Variants in POM121 observed in about 807,000 individuals in gnomAD.
POM121 encodes the protein nuclear envelope pore membrane protein POM 121.
In POM121, 32 loss-of-function variants were observed where a neutral mutation model predicts 81.3. The ratio of observed to expected loss-of-function variants is 0.39; its 90% CI spans 0.30 to 0.53. POM121 has a LOEUF of 0.53. Among genes scored for constraint, POM121 ranks in the 20% least tolerant of loss-of-function variants. POM121 has a pLI of 0.66. For missense variants in POM121, 1,138 were observed against 1,614.6 expected, an observed-to-expected ratio of 0.70 and a Z score of 5.06; for synonymous variants, 514 against 694.2, an observed-to-expected ratio of 0.74 and a Z score of 4.08.
At chr7:72,936,190 T>C (rs1292668459) in intron 5 of POM121, among the ~76,000 whole-genome samples, 1 of 152,184 alleles carries the variant, frequency 6.6e-6, no homozygotes, top group African/African-American at 2.4e-5. Flanking sequence ...ATTTCTGTTT[T>C]TTCTTTATTT....
At chr7:72,903,691 G>A (rs1167439084) in intron 3 of POM121, among the ~76,000 whole-genome samples, 2 of 152,182 alleles carry the variant, frequency 1.3e-5, no homozygotes, top group African/African-American at 2.4e-5. Context: ...GAAAAAAAAA[G>A]AAAAACCCAG....
intron 1 of POM121, among the ~76,000 whole-genome samples, chr7:72,880,198 G>A (rs1252591328): frequency 6.6e-6 from 1 of 152,198 alleles, no homozygotes; most frequent in African/African-American, 2.4e-5. Flanking sequence ...ACGTCCGTCA[G>A]CACTTCTATT....
rs237928 is a variant in POM121, at chr7:72,930,654, A to G, written c.1275+543A>G. Among the ~76,000 whole-genome samples, 472 of 152,346 alleles carry G rather than the reference A, an allele frequency of 3.1e-3. 2 individuals carry two copies. The highest frequency in any genetic ancestry group is 0.011 in the African/African-American group (446 of 41,566). On this transcript the variant is annotated intron_variant, in intron 5 of 12. Transcript: ENST00000434423. ...TTTGGAAAAGGGATTATCGCATAGT[A>G]TAGGGAACAGGGCAGGCTTTGCTGC...
chr7:72,887,195 C>G (rs1419561181), intron 1 of POM121, among the ~76,000 whole-genome samples: 1 of 152,132 alleles, frequency 6.6e-6, no homozygotes, highest in Non-Finnish European at 1.5e-5. Context: ...ATTGTACTAT[C>G]TGTAGAAGGT....
chr7:72,928,583 G>A (rs1563157906), intron 4 of POM121, 118 bp downstream of exon 4: 8 of 1,257,056 alleles, frequency 6.4e-6, no homozygotes, highest in African/African-American at 3.0e-5. Context: ...TCAGGTTCAC[G>A]TCTTTGAAAT....
rs782293431 is a variant in POM121 at position 72,926,914 on chromosome 7, G to C, written c.973G>C (p.Val325Leu). Residue 325 changes from valine to leucine, a missense_variant, in exon 3 of 13, where the codon GTG becomes CTG. Around this residue, in one of 7 missense-constraint regions of POM121, gnomAD observed 646 missense variants for 633.5 expected, o/e 1.02. Transcript: ENST00000434423. ...CAAAGAGAAGGAGAAGAAAAGGACA[G>C]TGGAGGAAGAAGACCAAATATTCCT... ...ALKEKEKKRTVEEEDQIFLDG... is the reference protein window; with the variant it reads ...ALKEKEKKRTLEEEDQIFLDG... 5 of 1,614,018 alleles carry C rather than the reference G, an allele frequency of 3.1e-6. No homozygotes were observed. The South Asian group carries it at 5.5e-5, about 18-fold the overall frequency.
intron 3 of POM121, among the ~76,000 whole-genome samples, chr7:72,912,517 C>G (rs540209170): frequency 1.3e-5 from 2 of 152,206 alleles, no homozygotes; most frequent in South Asian, 4.1e-4. Context: ...TGGCTCACAC[C>G]TGTAATCCTA....
At chr7:72,919,285 A>T (rs1245529847) in intron 4 of POM121, among the ~76,000 whole-genome samples, 6 of 140,520 alleles carry the variant, frequency 4.3e-5, no homozygotes, top group African/African-American at 1.6e-4. Context: ...CCTTTTGCTG[A>T]TATCATTCCT....
chr7:72,902,255 CTTTTTTTTTTTTT>C (rs1210238081), intron 3 of POM121, among the ~76,000 whole-genome samples: 5 of 126,620 alleles, frequency 3.9e-5, no homozygotes, highest in African/African-American at 1.5e-4. Context: ...CTTTTTCTTT[CTTTTTTTTTTTTT>C]TTTTTTGAGA....
chr7:72,911,770 T>G (rs1156507122), intron 3 of POM121, among the ~76,000 whole-genome samples: 9 of 152,220 alleles, frequency 5.9e-5, no homozygotes, highest in Non-Finnish European at 1.2e-4. Context: ...GAAGCAGCAC[T>G]CGGTACATGG....
Position 72,941,871 on chromosome 7 carries a change from A to G in POM121, c.1878A>G (p.Ser626=). The change falls in exon 11 of 13, where the codon TCA becomes TCG. Residue 626 remains serine (S), a synonymous_variant. Coordinates refer to ENST00000434423, the MANE Select transcript of POM121 (RefSeq NM_001387691.1). ...SAGAATTEAL[S]PPKTPSLLPP... is the part of the protein sequence containing the mutation. ...GAGCAGCAACCACTGAGGCCCTCTC[A>G]CCTCCAAAGACACCCAGCCTCCTAC... The G allele has an allele frequency of 6.5e-7, 1 of 1,528,522 alleles. No homozygotes were observed. The highest frequency in any genetic ancestry group is 8.8e-7 in the Non-Finnish European group (1 of 1,132,636). 94.7% of individuals were successfully genotyped at this position (1,528,522 alleles called of 1,614,324 possible). A position where few individuals can be genotyped will look rare whatever the true frequency, so the allele number is the denominator to read the frequency against.
Position 72,940,978 on chromosome 7 carries a change from C to T in POM121, c.1828C>T (p.Leu610=). The T allele has an allele frequency of 6.3e-7, 1 of 1,587,514 alleles. No homozygotes were observed. The highest frequency in any genetic ancestry group is 8.5e-7 in the Non-Finnish European group (1 of 1,173,362). The part of the protein sequence containing the change: ...SLKKMQTPPS[L]PPCPESAGAA... ...GAAGAAGATGCAGACTCCCCCGAGC[C>T]TGCCACCCTGCCCAGGTGAGCTGGA... is the stretch of plus-strand genomic sequence containing the variant. Residue 610 remains leucine, a synonymous_variant, in exon 10 of 13, where the codon CTG becomes TTG. Transcript: ENST00000434423.
At chr7:72,931,119 C>T (rs1472723061) in intron 5 of POM121, among the ~76,000 whole-genome samples, 3 of 151,788 alleles carry the variant, frequency 2.0e-5, no homozygotes, top group Admixed American at 6.6e-5. Flanking sequence ...CATTAATGAC[C>T]GTAATATCAT....
At chr7:72,950,356 G>A (rs1443373033), downstream of POM121, 67 of 794,098 alleles carry the variant, frequency 8.4e-5, 1 homozygote, top group Non-Finnish European at 1.3e-4. Context: ...GGGTTGTCAA[G>A]CCAGACTTAT....
At chr7:72,902,110 A>G (rs1307260262) in intron 3 of POM121, among the ~76,000 whole-genome samples, 2 of 147,636 alleles carry the variant, frequency 1.4e-5, no homozygotes, top group Admixed American at 6.8e-5. Flanking sequence ...GAAACTCATG[A>G]AAAAAAAAAC....
At position 72,894,134 on chromosome 7, in the gene POM121, C is replaced by T. The variant is rs1206313532; in HGVS notation, c.-216+3024C>T. On this transcript the variant is annotated intron_variant, in intron 3 of 15. Transcript: ENST00000395270. The stretch of plus-strand genomic sequence containing the variant: ...CAAAAATTACCTGGGCGTGGTGACA[C>T]GCGCCTGTAGTCCCAGATATTTGGA... 5.9e-5 allele frequency among the ~76,000 whole-genome samples: 9 copies of T among 151,786 alleles called. No individual in the cohort carries two copies. In the East Asian group the frequency reaches 7.8e-4, roughly 13 times the overall value.
At chr7:72,944,545 C>T (rs1289218643) in intron 11 of POM121, among the ~76,000 whole-genome samples, 6 of 152,164 alleles carry the variant, frequency 3.9e-5, no homozygotes, top group Non-Finnish European at 8.8e-5. Flanking sequence ...GGCCAGTTAG[C>T]ATGGCATGTG....
At position 72,926,269 on chromosome 7, in the gene POM121, G is replaced by A; in HGVS notation, c.652G>A (p.Gly218Arg). Residue 218 changes from glycine (G) to arginine (R), a missense_variant, in exon 2 of 13, where the codon GGG becomes AGG. Around this residue, in one of 7 missense-constraint regions of POM121, gnomAD observed 646 missense variants for 633.5 expected, o/e 1.02. Coordinates refer to ENST00000434423, the MANE Select transcript of POM121 (RefSeq NM_001387691.1). The stretch of plus-strand genomic sequence containing the variant: ...GTCTCGCATTCTCTGCAGGGATTGT[G>A]GGACTTTACCAAATCGGTTTGTAAT... ...PSRRPSPRDC[G>R]TLPNRFVITP... 6.4e-7 allele frequency: 1 copy of A among 1,558,320 alleles called. No individual in the cohort carries two copies. The highest frequency in any genetic ancestry group is 8.7e-7 in the Non-Finnish European group (1 of 1,150,282).
chr7:72,882,594 A>G lies in POM121; in HGVS notation c.-521+2709A>G, dbSNP rs556717481. On this transcript the variant is annotated intron_variant, in intron 1 of 15. Transcript: ENST00000395270. ...GCTGCCCAAGGAGAACTTGGTGCAT[A>G]TAATTTTTCCAGGGACGGAAATATC... 2.0e-5 allele frequency among the ~76,000 whole-genome samples: 3 copies of G among 152,314 alleles called. No homozygotes were observed. The East Asian group carries it at 5.8e-4, about 29-fold the overall frequency.
Sources: gnomAD v4.1 joint callset for allele counts (sites outside exome capture counted in the v4.1 genomes callset) on GRCh38, gnomAD v4.1.1 for gene constraint, gnomAD v4.1.1 regional missense constraint, MANE v1.5 for transcripts, NCBI Gene and HGNC (gene_info 2026-07-23, HGNC 2026-07-21) for gene names.